The following STXBP5L variants were observed in gnomAD, a reference collection of about 807,000 sequenced individuals.
STXBP5L encodes syntaxin-binding protein 5-like.
In STXBP5L, 65 loss-of-function variants were observed where a neutral mutation model predicts 144.5. The ratio of observed to expected loss-of-function variants is 0.45; its 90% CI spans 0.37 to 0.55. The LOEUF (loss-of-function observed/expected upper bound fraction) is 0.55, where lower values mean the gene tolerates loss of function less well. Among genes scored for constraint, STXBP5L ranks in the 20% least tolerant of loss-of-function variants. The probability of loss-of-function intolerance (pLI) is 0.00; values close to 1 mark genes in which losing one functional copy is unlikely to be tolerated. For missense variants in STXBP5L, 1,298 were observed against 1,405.5 expected (o/e 0.92, Z 1.22); for synonymous variants, 505 against 469.6 (o/e 1.08, Z -0.97).
At chr3:120,964,527 T>C (rs1478622944) in intron 3 of STXBP5L, among the ~76,000 whole-genome samples, 2 of 152,064 alleles carry the variant, frequency 1.3e-5, no homozygotes, top group African/African-American at 4.8e-5. Context: ...ATTTCGTTAT[T>C]TACCCAGTAG....
At chr3:121,066,035 G>A (rs1033865818) in intron 5 of STXBP5L, among the ~76,000 whole-genome samples, 4 of 152,120 alleles carry the variant, frequency 2.6e-5, no homozygotes, top group African/African-American at 7.2e-5. Context: ...GATGGAGGTC[G>A]TAATCATATG....
chr3:121,217,120 T>C (rs1323231675), intron 10 of STXBP5L, among the ~76,000 whole-genome samples: 1 of 152,208 alleles, frequency 6.6e-6, no homozygotes, highest in African/African-American at 2.4e-5. Context: ...TGCTATGCTC[T>C]GTGGGGTTGG....
At chr3:121,117,458 C>G (rs1282266834) in intron 6 of STXBP5L, among the ~76,000 whole-genome samples, 2 of 151,718 alleles carry the variant, frequency 1.3e-5, no homozygotes, top group African/African-American at 4.8e-5. Context: ...TGCCAATTTC[C>G]AATCTCCTGG....
At chr3:120,976,706 A>C (rs1274048531) in intron 3 of STXBP5L, among the ~76,000 whole-genome samples, 1 of 152,150 alleles carries the variant, frequency 6.6e-6, no homozygotes, top group East Asian at 1.9e-4. Context: ...TCCTCTACAC[A>C]CTGCTTTGAA....
At chr3:121,170,381 C>G (rs1424422859) in intron 9 of STXBP5L, among the ~76,000 whole-genome samples, 1 of 151,820 alleles carries the variant, frequency 6.6e-6, no homozygotes, top group South Asian at 2.1e-4. Context: ...CATGAAAAAC[C>G]CATCAAAAAA....
At chr3:121,373,676 A>AGGGGAGC (rs879562618) in intron 20 of STXBP5L, among the ~76,000 whole-genome samples, 55 of 152,264 alleles carry the variant, frequency 3.6e-4, no homozygotes, top group Admixed American at 3.0e-3. Context: ...TGCCCCACCC[A>AGGGGAGC]GGGGAGCAGG....
chr3:121,236,585 C>T (rs1249874813), intron 12 of STXBP5L, among the ~76,000 whole-genome samples: 1 of 152,288 alleles, frequency 6.6e-6, no homozygotes, highest in Admixed American at 6.5e-5. Flanking sequence ...AGTGGGAACT[C>T]GTCCTTAAGG....
At position 121,157,644 on chromosome 3, in the gene STXBP5L, C is replaced by A; in HGVS notation, c.877+17C>A. The A allele has an allele frequency of 6.3e-7, 1 of 1,590,046 alleles. No homozygotes were observed. The highest frequency in any genetic ancestry group is 8.5e-7 in the Non-Finnish European group (1 of 1,171,322). On this transcript the variant is annotated intron_variant, in intron 9 of 26. Coordinates refer to ENST00000471454, the MANE Select transcript of STXBP5L (RefSeq NM_001308330.2). ...TTCCACATGGTAAGATGTATGCTTT[C>A]AAAAGGAATAAACACTGGCAATTCA...
chr3:121,161,913 A>G (rs993706549), intron 9 of STXBP5L, among the ~76,000 whole-genome samples: 1 of 152,152 alleles, frequency 6.6e-6, no homozygotes, highest in Admixed American at 6.5e-5. Context: ...ATATTATTAG[A>G]CTTGAAAATG....
Position 121,076,060 on chromosome 3 carries a change from T to A in STXBP5L, c.470+30525T>A, listed in dbSNP as rs536930093. On this transcript the variant is annotated intron_variant, in intron 5 of 26. Transcript: ENST00000471454. Reference sequence around the variant, plus strand: ...AGTATGTTGTCTCCAATTTAAGAGATCAGTAGTAGAGAAGGGCTGATAAAC... The same window carrying A: ...AGTATGTTGTCTCCAATTTAAGAGAACAGTAGTAGAGAAGGGCTGATAAAC... 6.3e-4 allele frequency among the ~76,000 whole-genome samples: 96 copies of A among 152,222 alleles called. 1 individual carries two copies. The South Asian group carries it at 0.019, about 31-fold the overall frequency.
intron 5 of STXBP5L, among the ~76,000 whole-genome samples, chr3:121,065,036 C>T (rs1215306493): frequency 6.6e-6 from 1 of 151,032 alleles, no homozygotes; most frequent in Non-Finnish European, 1.5e-5. Flanking sequence ...GGATTATTGC[C>T]TCCAGCTGCA....
chr3:121,236,254 T>A (rs1191407827), intron 12 of STXBP5L, among the ~76,000 whole-genome samples: 2 of 152,208 alleles, frequency 1.3e-5, no homozygotes, highest in South Asian at 2.1e-4. Flanking sequence ...ATGACACACA[T>A]CTTTTCATTA....
At chr3:121,095,722 T>C (rs1419094402) in intron 5 of STXBP5L, among the ~76,000 whole-genome samples, 1 of 152,180 alleles carries the variant, frequency 6.6e-6, no homozygotes, top group Non-Finnish European at 1.5e-5. Flanking sequence ...TTCTTTGCGA[T>C]GGGTTCGAAC....
At chr3:121,330,286 G>A (rs958205505) in intron 20 of STXBP5L, among the ~76,000 whole-genome samples, 11 of 152,328 alleles carry the variant, frequency 7.2e-5, no homozygotes, top group African/African-American at 2.4e-4. Flanking sequence ...GGGGCTTACT[G>A]CTGCCTGCTA....
chr3:121,039,832 C>A (rs540044093), intron 3 of STXBP5L, among the ~76,000 whole-genome samples: 1 of 152,032 alleles, frequency 6.6e-6, no homozygotes, highest in East Asian at 1.9e-4. Flanking sequence ...TCTTTCTCTA[C>A]CCCTCAGTGA....
chr3:120,954,260 T>C (rs1937774916), intron 2 of STXBP5L, among the ~76,000 whole-genome samples: 2 of 152,176 alleles, frequency 1.3e-5, no homozygotes, highest in South Asian at 4.1e-4. Context: ...AAATCACAAA[T>C]TTTATTGTAC....
chr3:121,222,743 A>G (rs911485931), intron 10 of STXBP5L, among the ~76,000 whole-genome samples: 1 of 152,160 alleles, frequency 6.6e-6, no homozygotes, highest in African/African-American at 2.4e-5. Context: ...ACCTTCCTCC[A>G]AGCTCACTGC....
At chr3:121,379,277 C>T (rs1450087842) in intron 21 of STXBP5L, among the ~76,000 whole-genome samples, 2 of 151,922 alleles carry the variant, frequency 1.3e-5, no homozygotes, top group Non-Finnish European at 2.9e-5. Flanking sequence ...ATGAATGTGA[C>T]CAAGAACAAA....
At chr3:121,187,392 G>A (rs2047432464) in intron 9 of STXBP5L, among the ~76,000 whole-genome samples, 1 of 139,042 alleles carries the variant, frequency 7.2e-6, no homozygotes, top group Admixed American at 7.2e-5. Context: ...CACACACTGG[G>A]GCCTGTTGTA....
Sources: allele counts gnomAD v4.1 joint callset (sites outside exome capture counted in the v4.1 genomes callset), GRCh38; gene constraint gnomAD v4.1.1; transcripts MANE v1.5; gene names NCBI Gene and HGNC (gene_info 2026-07-23, HGNC 2026-07-21).